Variants in SNX29 observed in about 807,000 individuals in gnomAD.
The protein encoded by SNX29 is sorting nexin 29.
SNX29 carries 78 observed loss-of-function variants against 102.1 expected under a neutral mutation model. The observed-to-expected ratio is 0.76, with a 90% CI of 0.64 to 0.92. The LOEUF (loss-of-function observed/expected upper bound fraction) is 0.92, where lower values mean the gene tolerates loss of function less well. Among genes scored for constraint, SNX29 ranks in the 40% least tolerant of loss-of-function variants. The pLI is 0.00. For synonymous variants in SNX29, 580 were observed against 414.5 expected, an observed-to-expected ratio of 1.40 and a Z score of -4.85; for missense variants, 1,280 against 1,061.7, an observed-to-expected ratio of 1.21 and a Z score of -2.86.
rs938554367 is a variant in SNX29 at position 12,095,062 on chromosome 16, G to A, written c.1402+16147G>A. 2.0e-5 allele frequency: 3 copies of A among 152,320 alleles called. No individual in the cohort carries two copies. The South Asian group carries it at 6.2e-4, about 32-fold the overall frequency. 9.4% of individuals were successfully genotyped at this position (152,320 alleles called of 1,614,324 possible). A position where few individuals can be genotyped will look rare whatever the true frequency, so the allele number is the denominator to read the frequency against. On this transcript the variant is annotated intron_variant, in intron 11 of 20. Coordinates refer to ENST00000566228, the MANE Select transcript of SNX29 (RefSeq NM_032167.5). ...TTTAGGAAGGCAGTAGATGCATAAT[G>A]ATACAGACCTGTGGAATGCACCAGA...
chr16:12,112,988 ACT>A (rs967724958), intron 11 of SNX29, among the ~76,000 whole-genome samples: 2 of 152,116 alleles, frequency 1.3e-5, no homozygotes, highest in African/African-American at 4.8e-5. Flanking sequence ...AGCGTGGTGG[ACT>A]CTGAGTCTCA....
intron 20 of SNX29, among the ~76,000 whole-genome samples, chr16:12,552,245 T>C (rs778912752): frequency 6.8e-6 from 1 of 147,434 alleles, no homozygotes; most frequent in Non-Finnish European, 1.5e-5. Flanking sequence ...GCCCCAGCTT[T>C]GCCTCCTAGG....
At chr16:12,312,396 G>C (rs925222888) in intron 15 of SNX29, among the ~76,000 whole-genome samples, 20 of 152,222 alleles carry the variant, frequency 1.3e-4, no homozygotes, top group Admixed American at 1.2e-3. Context: ...GCACTGTAGA[G>C]ACTTTACCTT....
chr16:12,096,274 C>T lies in SNX29; in HGVS notation c.1402+17359C>T, dbSNP rs2052762503. 6.6e-6 allele frequency among the ~76,000 whole-genome samples: 1 copy of T among 152,192 alleles called. No homozygotes were observed. The highest frequency in any genetic ancestry group is 1.5e-5 in the Non-Finnish European group (1 of 68,034). On this transcript the variant is annotated intron_variant, in intron 11 of 20. Coordinates refer to ENST00000566228, the MANE Select transcript of SNX29 (RefSeq NM_032167.5). This position sits in a 1 kb window ranked among gnomAD's most constrained non-coding sequence, Gnocchi z 4.2. ...TAGTGTCTTAGTAATTGGAAGGTTC[C>T]AGATGGCATTTAGACATGCCTCACT...
At chr16:12,407,776 A>C (rs1308916133) in intron 18 of SNX29, among the ~76,000 whole-genome samples, 1 of 152,224 alleles carries the variant, frequency 6.6e-6, no homozygotes, top group Non-Finnish European at 1.5e-5. Flanking sequence ...CCTGGTCTTT[A>C]GAGATTCTGT....
At chr16:12,464,225 A>G (rs2086947440) in intron 18 of SNX29, among the ~76,000 whole-genome samples, 1 of 110,488 alleles carries the variant, frequency 9.1e-6, no homozygotes, top group African/African-American at 4.6e-5. Flanking sequence ...ATATTATTCC[A>G]TGGCGTGTGT....
rs112085928 is a variant in SNX29 at position 12,439,583 on chromosome 16, C to G, written c.2037+36054C>G. On this transcript the variant is annotated intron_variant, in intron 18 of 20. Transcript: ENST00000566228. ...TTCCCCTCATAAAAGCATCAGATCT[C>G]GTGAGACTCATTCACTACCACGAGA... Among the ~76,000 whole-genome samples the G allele has an allele frequency of 7.7e-3, 1,165 of 152,266 alleles. 14 individuals carry two copies. Among genetic ancestry groups the G allele is most frequent in the African/African-American group, 0.025 (1,059 of 41,544 alleles).
At chr16:12,208,682 T>TA (rs200839887) in intron 14 of SNX29, among the ~76,000 whole-genome samples, 123 of 150,642 alleles carry the variant, frequency 8.2e-4, no homozygotes, top group African/African-American at 1.7e-3. Flanking sequence ...TGCAAACAGT[T>TA]AAAAAAAAAT....
intron 20 of SNX29, among the ~76,000 whole-genome samples, chr16:12,541,297 G>T (rs1237721297): frequency 6.6e-6 from 1 of 152,138 alleles, no homozygotes; most frequent in Non-Finnish European, 1.5e-5. Flanking sequence ...ACTAACAGTG[G>T]GGATGGTCAG....
At chr16:12,245,499 T>C (rs2078234613) in intron 14 of SNX29, among the ~76,000 whole-genome samples, 2 of 151,818 alleles carry the variant, frequency 1.3e-5, no homozygotes, top group Admixed American at 6.6e-5. Flanking sequence ...TTTTTTGTAA[T>C]GTAGGAGATG....
At chr16:12,450,680 A>G (rs2086263639) in intron 18 of SNX29, among the ~76,000 whole-genome samples, 2 of 152,162 alleles carry the variant, frequency 1.3e-5, no homozygotes, top group African/African-American at 4.8e-5. Context: ...CCAAAGGATG[A>G]GCTAGTCAGA....
At chr16:12,507,175 G>C (rs953190711) in intron 19 of SNX29, among the ~76,000 whole-genome samples, 1 of 152,324 alleles carries the variant, frequency 6.6e-6, no homozygotes, top group Non-Finnish European at 1.5e-5. Context: ...TGTAGACCTG[G>C]TAAGTGGTGC....
At chr16:12,167,251 G>T (rs2076037345) in intron 13 of SNX29, among the ~76,000 whole-genome samples, 1 of 152,152 alleles carries the variant, frequency 6.6e-6, no homozygotes, top group South Asian at 2.1e-4. Flanking sequence ...CCAGCTGGTT[G>T]TCTGGCCCAG....
intron 14 of SNX29, among the ~76,000 whole-genome samples, chr16:12,255,883 G>T (rs2078558050): frequency 6.6e-6 from 1 of 152,172 alleles, no homozygotes; most frequent in Non-Finnish European, 1.5e-5. Context: ...ATTTCCTTTG[G>T]ATAAATATGC....
At chr16:12,522,139 G>A (rs1003877224) in intron 19 of SNX29, among the ~76,000 whole-genome samples, 16 of 152,328 alleles carry the variant, frequency 1.1e-4, no homozygotes, top group Middle Eastern at 3.4e-3. Context: ...GAAAATATAA[G>A]GATGCCCAGT....
At chr16:12,490,697 C>G (rs1000276066) in intron 19 of SNX29, among the ~76,000 whole-genome samples, 1 of 152,166 alleles carries the variant, frequency 6.6e-6, no homozygotes, top group African/African-American at 2.4e-5. Flanking sequence ...GAATAGGATA[C>G]CAGGCACCTG....
At chr16:12,365,659 C>G in intron 16 of SNX29, among the ~76,000 whole-genome samples, 2 of 151,150 alleles carry the variant, frequency 1.3e-5, no homozygotes, top group East Asian at 3.9e-4. Context: ...CAACTACACT[C>G]CAGCCTGGGT....
chr16:12,369,928 T>C (rs1184569736), intron 16 of SNX29, among the ~76,000 whole-genome samples: 1 of 152,186 alleles, frequency 6.6e-6, no homozygotes, highest in South Asian at 2.1e-4. Context: ...AAAAAATCTT[T>C]CTTTGAGGCC....
intron 20 of SNX29, among the ~76,000 whole-genome samples, chr16:12,547,976 A>G (rs1032890738): frequency 6.6e-6 from 1 of 152,138 alleles, no homozygotes; most frequent in Non-Finnish European, 1.5e-5. Context: ...GGGAGACAGC[A>G]TGGCACAGGG....
Sources: gnomAD v4.1 joint callset for allele counts (sites outside exome capture counted in the v4.1 genomes callset) on GRCh38, gnomAD v4.1.1 for gene constraint, Gnocchi (gnomAD v3.1) non-coding constraint, MANE v1.5 for transcripts, NCBI Gene and HGNC (gene_info 2026-07-23, HGNC 2026-07-21) for gene names.